Variants in PLXNC1 observed in about 807,000 individuals in gnomAD.
PLXNC1 encodes plexin-C1.
A neutral mutation model predicts 178.2 loss-of-function variants in PLXNC1; 75 were observed. That is an observed-to-expected ratio of 0.42 (90% CI 0.35 to 0.51). The LOEUF (loss-of-function observed/expected upper bound fraction) is 0.51. Among genes scored for constraint, PLXNC1 ranks in the 20% least tolerant of loss-of-function variants. The pLI, the probability that PLXNC1 is intolerant of heterozygous loss-of-function variation, is 0.02. For synonymous variants in PLXNC1, 790 were observed against 779.9 expected (o/e 1.01, Z -0.22); for missense variants, 1,503 against 1,984.4 (o/e 0.76, Z 4.61).
At chr12:94,209,554 G>T (rs772158082) in intron 4 of PLXNC1, 36 bp from the exon 5 acceptor site, 1 of 1,235,368 alleles carries the variant, frequency 8.1e-7, no homozygotes, top group Non-Finnish European at 1.2e-6. Flanking sequence ...ACTAACACAC[G>T]TATGGGGTCG....
chr12:94,224,515 C>T (rs1026218630), intron 7 of PLXNC1, among the ~76,000 whole-genome samples, 200 bp downstream of exon 7: 2 of 152,068 alleles, frequency 1.3e-5, no homozygotes, highest in Non-Finnish European at 2.9e-5. Flanking sequence ...AGTAAGCTGG[C>T]GCTGCGAGGG....
intron 4 of PLXNC1, among the ~76,000 whole-genome samples, chr12:94,194,936 G>A (rs555158949): frequency 9.2e-5 from 14 of 152,304 alleles, no homozygotes; most frequent in South Asian, 6.2e-4. Flanking sequence ...GCTTCAACGA[G>A]GAGGTGGCCT....
rs1964937725 is a variant in PLXNC1 at position 94,259,478 on chromosome 12, TG to T, written c.3126+106del. On this transcript the variant is annotated intron_variant, in intron 18 of 30. Transcript: ENST00000258526. ...TTATTATTACTTTGAATTTTTATTG[TG>T]GGTTTTTTTTGGATCATGAATTCAA... is the stretch of plus-strand genomic sequence containing the variant. The T allele has an allele frequency of 5.8e-6, 7 of 1,213,398 alleles. No individual in the cohort carries two copies. In the African/African-American group the frequency reaches 7.8e-5, roughly 13 times the overall value. 75.2% of individuals were successfully genotyped at this position (1,213,398 alleles called of 1,614,324 possible).
intron 4 of PLXNC1, among the ~76,000 whole-genome samples, chr12:94,198,459 A>C (rs1265264681): frequency 1.3e-5 from 2 of 152,160 alleles, no homozygotes; most frequent in Non-Finnish European, 2.9e-5. Flanking sequence ...CTATGTAACA[A>C]ACCTACACAT....
In PLXNC1 at chr12:94,237,760, A is replaced by C; in HGVS notation, c.2077A>C (p.Ile693Leu). The part of the protein sequence containing the change: ...TGANFTRASN[I>L]TMILKGTSTC... ...AGCAAACTTTACCCGGGCATCGAAC[A>C]TCACAATGATCCTGAAAGGAACCAG... The change falls in exon 10 of 31, where the codon ATC (isoleucine) becomes CTC (leucine). Residue 693 changes from isoleucine (I) to leucine (L), a missense_variant. Transcript: ENST00000258526. 1.9e-6 allele frequency: 3 copies of C among 1,614,102 alleles called. No homozygotes were observed. Among genetic ancestry groups the C allele is most frequent in the Middle Eastern group, 1.6e-4 (1 of 6,062 alleles).
chr12:94,286,900 T>C (rs1966850507), intron 23 of PLXNC1, among the ~76,000 whole-genome samples: 1 of 152,150 alleles, frequency 6.6e-6, no homozygotes, highest in Admixed American at 6.5e-5. Flanking sequence ...CTAGAGGGGA[T>C]TTGAGGGCAT....
intron 1 of PLXNC1, among the ~76,000 whole-genome samples, chr12:94,163,630 G>A (rs1337962367): frequency 6.6e-6 from 1 of 152,062 alleles, no homozygotes; most frequent in Non-Finnish European, 1.5e-5. Context: ...AGGGTAGAAG[G>A]AGGTGAAATA....
At chr12:94,168,505 T>C (rs1278997648) in intron 1 of PLXNC1, among the ~76,000 whole-genome samples, 2 of 152,342 alleles carry the variant, frequency 1.3e-5, no homozygotes, top group Middle Eastern at 3.4e-3. Context: ...AGTTAGACTT[T>C]TTGTTTTCCC....
At chr12:94,189,693 AT>A (rs1472889568) in intron 4 of PLXNC1, among the ~76,000 whole-genome samples, 16 of 147,944 alleles carry the variant, frequency 1.1e-4, no homozygotes, top group African/African-American at 3.7e-4. Context: ...AAAAAAAAAA[AT>A]TGTTGGAACT....
intron 30 of PLXNC1, chr12:94,304,408 C>T (rs1968791708): frequency 1.7e-5 from 3 of 181,096 alleles, no homozygotes; most frequent in Admixed American, 1.2e-4. Context: ...TGTTAAATTG[C>T]CTAGATTCTG....
rs1175410381 is a variant in PLXNC1, at chr12:94,149,477, C to A, written c.506C>A (p.Ala169Glu). Residue 169 changes from alanine (A) to glutamate (E), a missense_variant, in exon 1 of 31, where the codon GCG (alanine) becomes GAG (glutamate). By Grantham distance (107) the Ala-to-Glu change is moderately radical (BLOSUM62 -1). Around this residue, in one of 4 missense-constraint regions of PLXNC1, gnomAD observed 73 missense variants for 125.4 expected, o/e 0.58. Transcript: ENST00000258526. ...QGSTAGVVYRAGRNNRWYLAV... is the reference protein window; with the variant it reads ...QGSTAGVVYREGRNNRWYLAV... ...TCGACGGCCGGCGTGGTGTACCGCG[C>A]GGGCCGGAACAACCGCTGGTACCTG... The A allele has an allele frequency of 6.6e-7, 1 of 1,510,638 alleles. No individual in the cohort carries two copies. Among genetic ancestry groups the A allele is most frequent in the Non-Finnish European group, 8.8e-7 (1 of 1,136,116 alleles). The allele number at this position is 1,510,638 out of a possible 1,614,324, so 93.6% of individuals were successfully genotyped here.
intron 23 of PLXNC1, among the ~76,000 whole-genome samples, 172 bp downstream of exon 23, chr12:94,282,573 C>T (rs774755637): frequency 6.6e-6 from 1 of 152,236 alleles, no homozygotes; most frequent in Non-Finnish European, 1.5e-5. Flanking sequence ...CCATGAAGGG[C>T]TCTCACAGTG....
At position 94,248,008 on chromosome 12, in the gene PLXNC1, T is replaced by C. The variant is rs768540837; in HGVS notation, c.2494T>C (p.Tyr832His). Residue 832 changes from tyrosine (Y) to histidine (H), a missense_variant, in exon 13 of 31, where the codon TAC (tyrosine) becomes CAC (histidine). Around this residue, in one of 4 missense-constraint regions of PLXNC1, gnomAD observed 639 missense variants for 979.7 expected, o/e 0.65. Transcript: ENST00000258526. ...TGTGAAGCTGAGAGTACAAGACACC[T>C]ACTTGGATTGTGGAACCCTGCAGTA... ...VTVKLRVQDT[Y>H]LDCGTLQYRE... The C allele has an allele frequency of 2.5e-6, 4 of 1,614,184 alleles. No homozygotes were observed. In the Admixed American group the frequency reaches 6.7e-5, roughly 27 times the overall value.
chr12:94,268,712 A>T (rs750365531), intron 21 of PLXNC1, among the ~76,000 whole-genome samples: 10 of 147,622 alleles, frequency 6.8e-5, no homozygotes, highest in African/African-American at 1.0e-4. Context: ...CTCCTGCCTC[A>T]GCCTCCCAAA....
At chr12:94,300,044 T>C (rs1218803149) in intron 27 of PLXNC1, among the ~76,000 whole-genome samples, 1 of 152,142 alleles carries the variant, frequency 6.6e-6, no homozygotes, top group East Asian at 1.9e-4. Flanking sequence ...AAGGAGATAA[T>C]GGAAGGACTT....
intron 3 of PLXNC1, chr12:94,186,141 G>C (rs535120568): frequency 1.7e-5 from 7 of 421,790 alleles, no homozygotes; most frequent in East Asian, 1.5e-4. Context: ...CAGACTTAGC[G>C]AGAGTCTCTG....
At chr12:94,161,266 G>A (rs960466564) in intron 1 of PLXNC1, among the ~76,000 whole-genome samples, 1 of 152,140 alleles carries the variant, frequency 6.6e-6, no homozygotes, top group Non-Finnish European at 1.5e-5. Flanking sequence ...TTGACAATAG[G>A]GAGTTTGTTC....
intron 9 of PLXNC1, among the ~76,000 whole-genome samples, chr12:94,229,048 C>T (rs1374011710): frequency 6.6e-6 from 1 of 152,170 alleles, no homozygotes; most frequent in Non-Finnish European, 1.5e-5. Context: ...CAGTTTCACC[C>T]CATCCTCACC....
At chr12:94,195,139 G>C (rs1962868214) in intron 4 of PLXNC1, among the ~76,000 whole-genome samples, 1 of 152,110 alleles carries the variant, frequency 6.6e-6, no homozygotes, top group Non-Finnish European at 1.5e-5. Flanking sequence ...ACTAGCGGGT[G>C]CTGGGAACTC....
Sources: allele counts gnomAD v4.1 joint callset (sites outside exome capture counted in the v4.1 genomes callset), GRCh38; gene constraint gnomAD v4.1.1; regional missense constraint gnomAD v4.1.1; transcripts MANE v1.5; gene names NCBI Gene and HGNC (gene_info 2026-07-23, HGNC 2026-07-21).